Variants in RIPOR2 observed in about 807,000 individuals in gnomAD.
RIPOR2 encodes rho family-interacting cell polarization regulator 2.
A neutral mutation model predicts 114.5 loss-of-function variants in RIPOR2; 39 were observed. The ratio of observed to expected loss-of-function variants is 0.34; its 90% CI spans 0.26 to 0.44. RIPOR2 has a LOEUF of 0.44. Among genes scored for constraint, RIPOR2 ranks in the 20% least tolerant of loss-of-function variants. The probability of loss-of-function intolerance (pLI) is 1.00; values close to 1 mark genes in which losing one functional copy is unlikely to be tolerated. For synonymous variants in RIPOR2, 445 were observed against 484.4 expected, an observed-to-expected ratio of 0.92 and a Z score of 1.07; for missense variants, 1,007 against 1,255.1, an observed-to-expected ratio of 0.80 and a Z score of 2.99.
upstream of RIPOR2, among the ~76,000 whole-genome samples, chr6:24,940,941 A>G (rs1212782317): frequency 6.6e-6 from 1 of 152,244 alleles, no homozygotes; most frequent in Non-Finnish European, 1.5e-5. Context: ...GGCGTGAGCC[A>G]CTGCGCCTGG....
Position 24,846,300 on chromosome 6 carries a change from CCT to C in RIPOR2, c.1164+1723_1164+1724del, listed in dbSNP as rs35808926. On this transcript the variant is annotated intron_variant, in intron 12 of 21. Coordinates refer to ENST00000643898, the MANE Select transcript of RIPOR2 (RefSeq NM_001286445.3). ...AGTTTAGCCTGGTCCTTTTCACCTGCCTTTTTTTTTTTTTTTTTTTTTTTGAG... is the reference window on the plus strand; with the variant it reads ...AGTTTAGCCTGGTCCTTTTCACCTGCTTTTTTTTTTTTTTTTTTTTTTGAG... 8.2e-4 allele frequency among the ~76,000 whole-genome samples: 91 copies of C among 111,324 alleles called. 2 individuals are homozygous for C. Among genetic ancestry groups the C allele is most frequent in the Non-Finnish European group, 1.3e-3 (71 of 52,960 alleles). The allele number at this position is 111,324 out of a possible 152,430, so 73.0% of individuals were successfully genotyped here.
chr6:24,968,429 G>A lies in RIPOR2; in HGVS notation c.76+73422C>T, dbSNP rs1010539684. Among the ~76,000 whole-genome samples the A allele has an allele frequency of 3.3e-5, 5 of 152,242 alleles. No individual in the cohort carries two copies. In the South Asian group the frequency reaches 8.3e-4, roughly 25 times the overall value. ...TCACTCCCTGCTGAGTGGACGCCCC[G>A]TGTATACCCAGTCTCCAGTTGGACC... On this transcript the variant is annotated intron_variant, in intron 1 of 13. Coordinates refer to the RIPOR2 transcript ENST00000510784.
chr6:24,935,320 C>CAAAAA (rs976245217), intron 1 of RIPOR2, among the ~76,000 whole-genome samples: 3 of 21,836 alleles, frequency 1.4e-4, no homozygotes, highest in Non-Finnish European at 1.7e-4. Context: ...AAAACAACAA[C>CAAAAA]AAAAAAAAAA....
rs185980052 is a variant in RIPOR2, at chr6:24,909,631, T to C, written c.61+26207A>G. Among the ~76,000 whole-genome samples the C allele has an allele frequency of 2.7e-3, 412 of 152,130 alleles. 2 individuals are homozygous for C. Among genetic ancestry groups the C allele is most frequent in the Middle Eastern group, 6.8e-3 (2 of 294 alleles). On this transcript the variant is annotated intron_variant, in intron 1 of 21. Transcript: ENST00000643898. ...CACAGGATGCCCAGTCCCATAGAGA[T>C]GGCCAAGTACAATTTCTTCAGAATG...
At chr6:24,862,726 T>A (rs1364720269) in intron 7 of RIPOR2, among the ~76,000 whole-genome samples, 2 of 152,120 alleles carry the variant, frequency 1.3e-5, no homozygotes, top group Non-Finnish European at 2.9e-5. Context: ...GCTACCAGTA[T>A]CTCTGAAAAA....
At chr6:24,876,466 A>C (rs1202060733) in intron 1 of RIPOR2, among the ~76,000 whole-genome samples, 2 of 152,194 alleles carry the variant, frequency 1.3e-5, no homozygotes, top group African/African-American at 4.8e-5. Flanking sequence ...ACACACAAAT[A>C]GGCCAAGTCA....
In RIPOR2 at chr6:24,855,043, AAAGG is replaced by A. The variant is rs1223357110; in HGVS notation, c.716-2429_716-2426del. Among the ~76,000 whole-genome samples, 13 of 151,392 alleles carry A rather than the reference AAAGG, an allele frequency of 8.6e-5. No homozygotes were observed. The South Asian group carries it at 2.5e-3, about 29-fold the overall frequency. Reference sequence around the variant, plus strand: ...CGTCTCAAAAAAAAAAAAAAAAAAAAAAGGAAGGACACAAAACCTTACATAGAGT... The same window carrying A: ...CGTCTCAAAAAAAAAAAAAAAAAAAAAAGGACACAAAACCTTACATAGAGT... On this transcript the variant is annotated intron_variant, in intron 8 of 21. Transcript: ENST00000643898.
At chr6:24,963,746 A>ATGTGTG (rs150597947) in intron 1 of RIPOR2, among the ~76,000 whole-genome samples, 1 of 150,494 alleles carries the variant, frequency 6.6e-6, no homozygotes, top group African/African-American at 2.4e-5. Flanking sequence ...ATGCATGTGA[A>ATGTGTG]TGTGTGTGTG....
At chr6:25,033,871 T>C (rs1219891229) in intron 1 of RIPOR2, among the ~76,000 whole-genome samples, 1 of 152,144 alleles carries the variant, frequency 6.6e-6, no homozygotes, top group Non-Finnish European at 1.5e-5. Context: ...CTCTTTTTTT[T>C]GGTTTTTTGA....
chr6:24,994,137 C>T (rs1042874606), intron 1 of RIPOR2, among the ~76,000 whole-genome samples: 1 of 151,986 alleles, frequency 6.6e-6, no homozygotes, highest in Non-Finnish European at 1.5e-5. Flanking sequence ...AATTGGGAAA[C>T]AGATAATTTC....
chr6:25,029,411 G>GAA (rs71544610), intron 1 of RIPOR2, among the ~76,000 whole-genome samples: 42,438 of 90,478 alleles, frequency 0.47, 9,529 homozygotes, highest in Non-Finnish European at 0.55. Context: ...TCTCAAAAAA[G>GAA]AAAAAAAAAA....
chr6:24,974,628 C>T (rs1198627612), intron 1 of RIPOR2, among the ~76,000 whole-genome samples: 1 of 152,170 alleles, frequency 6.6e-6, no homozygotes, highest in Non-Finnish European at 1.5e-5. Flanking sequence ...GGTACCATAG[C>T]ACTCAGCAAT....
intron 17 of RIPOR2, among the ~76,000 whole-genome samples, 177 bp from the exon 18 acceptor site, chr6:24,828,472 G>A (rs967168381): frequency 6.6e-6 from 1 of 152,110 alleles, no homozygotes; most frequent in Non-Finnish European, 1.5e-5. Flanking sequence ...CCAAGTAGAT[G>A]GAATTGCAGG....
At chr6:25,026,542 G>A (rs1776635872) in intron 1 of RIPOR2, among the ~76,000 whole-genome samples, 1 of 152,190 alleles carries the variant, frequency 6.6e-6, no homozygotes, top group African/African-American at 2.4e-5. Context: ...CAAGAAGCCT[G>A]AGAATTTCTA....
chr6:24,870,105 G>C (rs1057482215), intron 5 of RIPOR2, among the ~76,000 whole-genome samples: 54 of 152,136 alleles, frequency 3.5e-4, no homozygotes, highest in Non-Finnish European at 1.0e-4. Flanking sequence ...AGACCTAACA[G>C]TTTTCTTGAT....
intron 1 of RIPOR2, among the ~76,000 whole-genome samples, chr6:25,036,876 T>A (rs1777279695): frequency 6.6e-6 from 1 of 152,116 alleles, no homozygotes; most frequent in East Asian, 1.9e-4. Context: ...CTGTGTTGCC[T>A]CCTGTGTGGT....
intron 1 of RIPOR2, among the ~76,000 whole-genome samples, chr6:24,964,859 G>C (rs1322427306): frequency 6.6e-6 from 1 of 152,020 alleles, no homozygotes; most frequent in African/African-American, 2.4e-5. Flanking sequence ...ATTTCATCTT[G>C]GTCTTAATTT....
rs542934819 is a variant in RIPOR2 at position 25,022,633 on chromosome 6, A to G, written c.76+19218T>C. Among the ~76,000 whole-genome samples the G allele has an allele frequency of 3.1e-3, 413 of 135,128 alleles. 2 individuals are homozygous for G. The highest frequency in any genetic ancestry group is 0.011 in the African/African-American group (389 of 36,110). 88.6% of individuals were successfully genotyped at this position (135,128 alleles called of 152,430 possible). On this transcript the variant is annotated intron_variant, in intron 1 of 13. Coordinates refer to the RIPOR2 transcript ENST00000510784. ...GTGTTCATGGCTCACTGCAGCCTCA[A>G]ACTCCTGGGCTCAAACTATCCTCCC... is the stretch of plus-strand genomic sequence containing the variant.
intron 1 of RIPOR2, among the ~76,000 whole-genome samples, chr6:24,977,508 G>A (rs1774119916): frequency 6.6e-6 from 1 of 152,100 alleles, no homozygotes; most frequent in Non-Finnish European, 1.5e-5. Flanking sequence ...ACAGGAAACG[G>A]AGACCAAATA....
Sources: allele counts gnomAD v4.1 joint callset (sites outside exome capture counted in the v4.1 genomes callset), GRCh38; gene constraint gnomAD v4.1.1; transcripts MANE v1.5; gene names NCBI Gene and HGNC (gene_info 2026-07-23, HGNC 2026-07-21).